The following ANKFN1 variants were observed in gnomAD, a reference collection of about 807,000 sequenced individuals.
ANKFN1 encodes ankyrin repeat and fibronectin type-III domain-containing protein 1.
In ANKFN1, 74 loss-of-function variants were observed where a neutral mutation model predicts 108.7. The observed-to-expected ratio is 0.68, with a 90% confidence interval of 0.56 to 0.83. The LOEUF (loss-of-function observed/expected upper bound fraction) is 0.83, where lower values mean the gene tolerates loss of function less well. Ranked by LOEUF, ANKFN1 falls within the 40% of genes least tolerant of loss-of-function variation. The pLI, the probability that ANKFN1 is intolerant of heterozygous loss-of-function variation, is 0.00. For missense variants in ANKFN1, 1,505 were observed against 1,382.3 expected (o/e 1.09, Z -1.41); for synonymous variants, 547 against 516.2 (o/e 1.06, Z -0.81).
At chr17:56,435,911 G>A (rs2048915614) in intron 8 of ANKFN1, among the ~76,000 whole-genome samples, 1 of 152,072 alleles carries the variant, frequency 6.6e-6, no homozygotes. Context: ...CATAAGCCTT[G>A]AAATTTACCT....
intron 8 of ANKFN1, among the ~76,000 whole-genome samples, chr17:56,387,688 T>C (rs531469141): frequency 6.6e-6 from 1 of 152,326 alleles, no homozygotes; most frequent in African/African-American, 2.4e-5. Context: ...TTTTTTTCCT[T>C]AAAATATTCG....
chr17:56,264,963 C>CT (rs2043611366), intron 3 of ANKFN1, among the ~76,000 whole-genome samples: 2 of 152,160 alleles, frequency 1.3e-5, no homozygotes, highest in Admixed American at 1.3e-4. Flanking sequence ...TCCTCATCTA[C>CT]TTTTTCACAT....
chr17:56,491,720 T>G (rs1253782918), intron 18 of ANKFN1, among the ~76,000 whole-genome samples: 1 of 152,170 alleles, frequency 6.6e-6, no homozygotes, highest in Non-Finnish European at 1.5e-5. Context: ...GAGAAAAGCA[T>G]GTCTTCTGTC....
chr17:56,372,606 C>G (rs750844304), intron 6 of ANKFN1, 40 bp from the exon 7 acceptor site: 3 of 1,565,530 alleles, frequency 1.9e-6, no homozygotes, highest in South Asian at 2.3e-5. Flanking sequence ...CAGCATTTCC[C>G]CAGAAAGAAA....
chr17:56,468,048 G>A (rs2050191140), intron 15 of ANKFN1, among the ~76,000 whole-genome samples: 1 of 152,130 alleles, frequency 6.6e-6, no homozygotes, highest in Admixed American at 6.5e-5. Context: ...AAAGACACCA[G>A]AAACTATATC....
chr17:56,491,634 C>T (rs865837108), intron 18 of ANKFN1, among the ~76,000 whole-genome samples: 5 of 152,100 alleles, frequency 3.3e-5, no homozygotes, highest in South Asian at 2.1e-4. Flanking sequence ...GGCCAAGAAG[C>T]GGAGAGGCAG....
chr17:56,303,939 G>A (rs555664626), intron 3 of ANKFN1, among the ~76,000 whole-genome samples: 58 of 148,218 alleles, frequency 3.9e-4, no homozygotes, highest in African/African-American at 9.8e-4. Context: ...CTCGTGATCC[G>A]TCCACCTTGG....
At chr17:56,076,934 A>C (rs570490584) in intron 4 of ANKFN1, among the ~76,000 whole-genome samples, 2 of 152,314 alleles carry the variant, frequency 1.3e-5, no homozygotes, top group African/African-American at 4.8e-5. Context: ...GATTTCTGGG[A>C]TATCTCTAGG....
intron 1 of ANKFN1, among the ~76,000 whole-genome samples, chr17:56,160,385 T>C (rs778115982): frequency 2.0e-5 from 3 of 152,254 alleles, no homozygotes; most frequent in Non-Finnish European, 4.4e-5. Context: ...TTTTTCCTTA[T>C]GGCTAACTTT....
At chr17:56,114,075 A>G (rs1906128071) in intron 4 of ANKFN1, among the ~76,000 whole-genome samples, 1 of 152,190 alleles carries the variant, frequency 6.6e-6, no homozygotes, top group East Asian at 1.9e-4. Context: ...CAAGCAAGAG[A>G]ACCAAAACAG....
At chr17:56,355,980 T>C (rs1440780658) in intron 6 of ANKFN1, among the ~76,000 whole-genome samples, 2 of 152,130 alleles carry the variant, frequency 1.3e-5, no homozygotes, top group African/African-American at 4.8e-5. Flanking sequence ...TTGACAACCA[T>C]GAACCTACCT....
intron 4 of ANKFN1, among the ~76,000 whole-genome samples, chr17:56,346,447 G>A (rs1245166533): frequency 6.6e-6 from 1 of 151,926 alleles, no homozygotes. Context: ...TAACTTGATG[G>A]GACAGGCCAC....
chr17:56,354,411 CTTCATTCA>C (rs149400397), intron 6 of ANKFN1, among the ~76,000 whole-genome samples: 4,262 of 152,044 alleles, frequency 0.028, 198 homozygotes, highest in African/African-American at 0.099. Flanking sequence ...AATGCGGTGG[CTTCATTCA>C]TTCATTCATT....
At chr17:56,369,128 T>G (rs922570819) in intron 6 of ANKFN1, among the ~76,000 whole-genome samples, 1 of 152,214 alleles carries the variant, frequency 6.6e-6, no homozygotes, top group Non-Finnish European at 1.5e-5. Flanking sequence ...ATGCTACAGT[T>G]ATTAATCTGG....
chr17:56,190,700 G>T (rs1434404671), intron 1 of ANKFN1, among the ~76,000 whole-genome samples: 4 of 130,312 alleles, frequency 3.1e-5, no homozygotes, highest in Non-Finnish European at 6.4e-5. Context: ...TTGATTTGGG[G>T]TGGAGAGTTC....
At chr17:56,179,139 T>A (rs1472555264) in intron 1 of ANKFN1, among the ~76,000 whole-genome samples, 2 of 152,198 alleles carry the variant, frequency 1.3e-5, no homozygotes. Context: ...TGCAAATCCA[T>A]ACCAACTTTA....
At chr17:56,173,409 C>A (rs1242252702) in intron 1 of ANKFN1, among the ~76,000 whole-genome samples, 4 of 152,178 alleles carry the variant, frequency 2.6e-5, no homozygotes, top group African/African-American at 4.8e-5. Flanking sequence ...ACCTTCCTAC[C>A]ACCCTGGTTT....
chr17:56,338,938 AG>A (rs963630358), intron 4 of ANKFN1, among the ~76,000 whole-genome samples: 5 of 152,082 alleles, frequency 3.3e-5, no homozygotes, highest in African/African-American at 4.8e-5. Context: ...ACAGATGAAG[AG>A]GGGTAAATAT....
intron 8 of ANKFN1, among the ~76,000 whole-genome samples, chr17:56,394,928 G>A (rs1280894174): frequency 6.6e-6 from 1 of 152,174 alleles, no homozygotes; most frequent in Admixed American, 6.5e-5. Flanking sequence ...AGAAATAGGT[G>A]TTGTAGCCTG....
Sources: allele counts gnomAD v4.1 joint callset (sites outside exome capture counted in the v4.1 genomes callset), GRCh38; gene constraint gnomAD v4.1.1; transcripts MANE v1.5; gene names NCBI Gene and HGNC (gene_info 2026-07-23, HGNC 2026-07-21).